The following ARID5B variants were observed in gnomAD, a reference collection of about 807,000 sequenced individuals.
The protein encoded by ARID5B is AT-rich interactive domain-containing protein 5B.
In ARID5B, 13 loss-of-function variants were observed where a neutral mutation model predicts 97.2. That is an observed-to-expected ratio of 0.13 (90% CI 0.09 to 0.21). ARID5B has a LOEUF of 0.21. ARID5B is among the 10% of genes least tolerant of loss of function. The pLI, the probability that ARID5B is intolerant of heterozygous loss-of-function variation, is 1.00. For missense variants in ARID5B, 1,210 were observed against 1,465.3 expected (o/e 0.83, Z 2.84); for synonymous variants, 556 against 570.3 (o/e 0.97, Z 0.36).
chr10:61,959,419 T>C (rs570641277), intron 3 of ARID5B, among the ~76,000 whole-genome samples: 6 of 152,148 alleles, frequency 3.9e-5, no homozygotes, highest in African/African-American at 1.2e-4. Context: ...TGGCAGGAGA[T>C]ATACTGATAA....
chr10:61,910,147 G>A (rs146573522), intron 2 of ARID5B, among the ~76,000 whole-genome samples: 1 of 152,288 alleles, frequency 6.6e-6, no homozygotes, highest in East Asian at 1.9e-4. Flanking sequence ...TAGACTGTCA[G>A]ACACATACTA....
intron 3 of ARID5B, among the ~76,000 whole-genome samples, chr10:61,988,929 T>TC (rs1362313152): frequency 8.0e-6 from 1 of 124,784 alleles, no homozygotes. Context: ...TCTTTTTTTT[T>TC]CTTTTACTTT....
chr10:62,073,151 C>G (rs1840087108), intron 8 of ARID5B, among the ~76,000 whole-genome samples: 1 of 152,194 alleles, frequency 6.6e-6, no homozygotes, highest in Non-Finnish European at 1.5e-5. Context: ...GCTCTTCCTA[C>G]TAGGCTGCGG....
intron 4 of ARID5B, among the ~76,000 whole-genome samples, chr10:62,034,524 T>C (rs1839537335): frequency 1.3e-5 from 2 of 152,370 alleles, no homozygotes; most frequent in Admixed American, 1.3e-4. Flanking sequence ...TTAAGTGATA[T>C]ATGTAATTTT....
rs1027903317 is a variant in ARID5B, at chr10:61,995,649, A to C, written c.503-4442A>C. ...GACCATATTTTGTCTTGAGGAAAAA[A>C]AAAAATGTTTTCACCAATAAAATAA... is the stretch of plus-strand genomic sequence containing the variant. On this transcript the variant is annotated intron_variant, in intron 3 of 9. Transcript: ENST00000279873. 3.3e-5 allele frequency among the ~76,000 whole-genome samples: 5 copies of C among 152,248 alleles called. No homozygotes were observed. The East Asian group carries it at 9.7e-4, about 29-fold the overall frequency.
chr10:62,087,914 G>C (rs896769335), intron 9 of ARID5B, among the ~76,000 whole-genome samples: 1 of 150,732 alleles, frequency 6.6e-6, no homozygotes, highest in Non-Finnish European at 1.5e-5. Flanking sequence ...TCCCAGGCTA[G>C]AGTGCAGTGG....
chr10:61,962,707 G>A (rs1196156168), intron 3 of ARID5B, among the ~76,000 whole-genome samples: 2 of 152,154 alleles, frequency 1.3e-5, no homozygotes, highest in African/African-American at 2.4e-5. Flanking sequence ...AAAGAATAGA[G>A]GCATAAAATA....
chr10:61,933,666 CTT>C (rs1208021828), intron 2 of ARID5B, among the ~76,000 whole-genome samples: 1 of 152,224 alleles, frequency 6.6e-6, no homozygotes, highest in African/African-American at 2.4e-5. Flanking sequence ...AAAGAAATCT[CTT>C]ATTCTGAGCA....
intron 3 of ARID5B, among the ~76,000 whole-genome samples, chr10:61,973,993 G>C (rs1374060596): frequency 1.3e-5 from 2 of 152,160 alleles, no homozygotes; most frequent in African/African-American, 4.8e-5. Flanking sequence ...TGTATATACT[G>C]TGAGGCTATT....
At chr10:62,047,368 C>T (rs989031722) in intron 4 of ARID5B, among the ~76,000 whole-genome samples, 3 of 152,198 alleles carry the variant, frequency 2.0e-5, no homozygotes. Context: ...AGAGCATTTA[C>T]TGAACTCTGT....
chr10:61,930,151 G>A (rs1313361440), intron 2 of ARID5B, among the ~76,000 whole-genome samples: 1 of 152,214 alleles, frequency 6.6e-6, no homozygotes, highest in Non-Finnish European at 1.5e-5. Context: ...ATCCCAGATT[G>A]CATCTAAGTA....
chr10:61,918,911 G>A (rs1843956845), intron 2 of ARID5B, among the ~76,000 whole-genome samples: 1 of 152,010 alleles, frequency 6.6e-6, no homozygotes, highest in Non-Finnish European at 1.5e-5. Context: ...GCATGCACCT[G>A]TAATCCCAGC....
chr10:62,073,183 T>A (rs1293982442), intron 8 of ARID5B, among the ~76,000 whole-genome samples: 1 of 152,228 alleles, frequency 6.6e-6, no homozygotes, highest in East Asian at 1.9e-4. Flanking sequence ...CTCATTCTTT[T>A]CACTCCGATA....
intron 2 of ARID5B, among the ~76,000 whole-genome samples, chr10:61,910,091 T>A (rs923246994): frequency 6.6e-6 from 1 of 152,206 alleles, no homozygotes; most frequent in African/African-American, 2.4e-5. Context: ...AAGCCACATG[T>A]TTGATAGTGC....
In ARID5B at chr10:62,092,145, G is replaced by C. The variant is rs762285527; in HGVS notation, c.2682G>C (p.Ser894=). The C allele has an allele frequency of 3.7e-6, 6 of 1,607,358 alleles. No homozygotes were observed. The East Asian group carries it at 1.1e-4, about 30-fold the overall frequency. ...CCCTGCACCTGCAAGACAAAAAGTC[G>C]GCGGCAGCAGAAGCCCCTACGGATG... is the stretch of plus-strand genomic sequence containing the variant. ...LTSLHLQDKK[S]AAAEAPTDDQ... The change falls in exon 10 of 10, where the codon TCG becomes TCC. Residue 894 remains serine, a synonymous_variant. Transcript: ENST00000279873.
intron 2 of ARID5B, among the ~76,000 whole-genome samples, chr10:61,902,833 G>A (rs2132747906): frequency 6.6e-6 from 1 of 151,946 alleles, no homozygotes; most frequent in Non-Finnish European, 1.5e-5. Flanking sequence ...TTCTTTCGGT[G>A]GGTTTCGATA....
rs1422306100 is a variant in ARID5B at position 62,051,449 on chromosome 10, T to TA, written c.846+450dup. Among the ~76,000 whole-genome samples, 10 of 152,328 alleles carry TA rather than the reference T, an allele frequency of 6.6e-5. No individual in the cohort carries two copies. The East Asian group carries it at 1.9e-3, about 29-fold the overall frequency. On this transcript the variant is annotated intron_variant, in intron 5 of 9. Transcript: ENST00000279873. ...AATAGCTAGAATTAATCTTTTTAGT[T>TA]ATGTATTTTTCAAAGTCACTTCTAA...
At chr10:62,064,074 C>A (rs1839956161) in intron 7 of ARID5B, among the ~76,000 whole-genome samples, 2 of 152,152 alleles carry the variant, frequency 1.3e-5, no homozygotes, top group African/African-American at 4.8e-5. Flanking sequence ...CTTTCTCCTG[C>A]CACCAGTGAG....
chr10:61,913,653 T>C (rs550798769), intron 2 of ARID5B, among the ~76,000 whole-genome samples: 3 of 152,348 alleles, frequency 2.0e-5, no homozygotes, highest in South Asian at 2.1e-4. Context: ...TCCAGTGCCC[T>C]GTCTTATACC....
Sources: gnomAD v4.1 joint callset for allele counts (sites outside exome capture counted in the v4.1 genomes callset) on GRCh38, gnomAD v4.1.1 for gene constraint, MANE v1.5 for transcripts, NCBI Gene and HGNC (gene_info 2026-07-23, HGNC 2026-07-21) for gene names.